UBE4B: variants seen among roughly 807,000 people sequenced by gnomAD.
The protein encoded by UBE4B is ubiquitin conjugation factor E4 B.
UBE4B carries 27 observed loss-of-function variants against 148.1 expected under a neutral mutation model. The observed-to-expected ratio is 0.18, with a 90% CI of 0.13 to 0.25. The LOEUF is 0.25. Ranked by LOEUF, UBE4B falls within the 10% of genes least tolerant of loss-of-function variation. UBE4B has a pLI of 1.00. For missense variants in UBE4B, 1,170 were observed against 1,662.4 expected (o/e 0.70, Z 5.15); for synonymous variants, 596 against 619.3 (o/e 0.96, Z 0.56).
intron 1 of UBE4B, among the ~76,000 whole-genome samples, chr1:10,038,805 T>C (rs183256100): frequency 6.6e-6 from 1 of 152,184 alleles, no homozygotes; most frequent in Non-Finnish European, 1.5e-5. Context: ...GTTAAAAATT[T>C]GGGAGTTGGG....
intron 3 of UBE4B, 29 bp downstream of exon 3, chr1:10,095,625 T>A: frequency 1.2e-6 from 2 of 1,613,470 alleles, no homozygotes; most frequent in South Asian, 1.1e-5. Flanking sequence ...TCTAATATGC[T>A]CTTTTATTTA....
At chr1:10,130,988 G>GT (rs900531144) in intron 14 of UBE4B, among the ~76,000 whole-genome samples, 175 bp downstream of exon 14, 1 of 152,226 alleles carries the variant, frequency 6.6e-6, no homozygotes, top group African/African-American at 2.4e-5. Context: ...ATAACAGGTT[G>GT]TAACAACAGC....
chr1:10,156,459 C>T (rs2101999843), intron 21 of UBE4B, among the ~76,000 whole-genome samples: 1 of 152,166 alleles, frequency 6.6e-6, no homozygotes, highest in African/African-American at 2.4e-5. Flanking sequence ...AGGCTGGTCT[C>T]AAACTCCTGA....
chr1:10,059,764 G>T (rs74669740), intron 1 of UBE4B: 1 of 152,384 alleles, frequency 6.6e-6, no homozygotes. Context: ...GTAGGCATCC[G>T]AAGTTGTTGA....
intron 5 of UBE4B, among the ~76,000 whole-genome samples, chr1:10,103,478 G>A (rs1440864023): frequency 9.3e-5 from 14 of 150,828 alleles, no homozygotes; most frequent in Admixed American, 9.3e-4. Context: ...CTATCACCAG[G>A]CTGGAGTGCA....
At chr1:10,158,294 A>G (rs1646106195) in intron 21 of UBE4B, 62 bp from the exon 22 acceptor site, 2 of 1,581,394 alleles carry the variant, frequency 1.3e-6, no homozygotes, top group Non-Finnish European at 1.7e-6. Flanking sequence ...TGTTGGGGCA[A>G]TAACTGGATT....
intron 14 of UBE4B, among the ~76,000 whole-genome samples, chr1:10,131,454 C>G (rs1285195898): frequency 1.3e-5 from 2 of 152,134 alleles, no homozygotes; most frequent in African/African-American, 4.8e-5. Context: ...CACTGCACAT[C>G]AGCCTGGGCG....
At chr1:10,175,653 A>C (rs554233744) in intron 25 of UBE4B, among the ~76,000 whole-genome samples, 2 of 136,188 alleles carry the variant, frequency 1.5e-5, no homozygotes, top group East Asian at 2.0e-4. Flanking sequence ...TCCGTCTCAA[A>C]TAAATAAATA....
At chr1:10,059,752 C>T (rs1644250106) in intron 1 of UBE4B, 1 of 152,458 alleles carries the variant, frequency 6.6e-6, no homozygotes, top group Admixed American at 6.5e-5. Context: ...GTGACCACAG[C>T]TGTAGGCATC....
At chr1:10,096,848 G>T (rs184059384) in intron 3 of UBE4B, among the ~76,000 whole-genome samples, 5 of 152,158 alleles carry the variant, frequency 3.3e-5, no homozygotes, top group African/African-American at 1.2e-4. Context: ...AGACCAACCT[G>T]TCCAACATCG....
intron 25 of UBE4B, among the ~76,000 whole-genome samples, chr1:10,176,844 G>A (rs190056567): frequency 2.2e-4 from 31 of 143,014 alleles, no homozygotes; most frequent in Non-Finnish European, 2.4e-4. Flanking sequence ...GGAGTGCAGT[G>A]GTGCGATCTC....
In UBE4B at chr1:10,057,561, T is replaced by G. The variant is rs1336313965; in HGVS notation, c.25-14467T>G. ...CCTCCTGAGTAGGCACACACCACCA[T>G]GCCAGGCTAATTTTTTGATTTTTTT... is the stretch of plus-strand genomic sequence containing the variant. On this transcript the variant is annotated intron_variant, in intron 1 of 27. Coordinates refer to ENST00000343090, the MANE Select transcript of UBE4B (RefSeq NM_001105562.3). 2.7e-5 allele frequency among the ~76,000 whole-genome samples: 4 copies of G among 150,932 alleles called. No homozygotes were observed. In the South Asian group the frequency reaches 6.3e-4, roughly 24 times the overall value.
At chr1:10,054,597 C>A (rs983708560) in intron 1 of UBE4B, 9 of 257,336 alleles carry the variant, frequency 3.5e-5, no homozygotes, top group Admixed American at 2.8e-4. Flanking sequence ...GCCTTTAGAG[C>A]GCTTAATGTG....
intron 2 of UBE4B, among the ~76,000 whole-genome samples, chr1:10,078,044 C>T (rs548729192): frequency 4.9e-4 from 75 of 151,872 alleles, no homozygotes; most frequent in African/African-American, 1.7e-3. Flanking sequence ...GAGTCTCTCT[C>T]TGTCACCCAA....
chr1:10,072,357 A>G (rs759518087), intron 2 of UBE4B, 143 bp downstream of exon 2: 22 of 970,226 alleles, frequency 2.3e-5, no homozygotes, highest in African/African-American at 8.4e-5. Flanking sequence ...TTTAAATATC[A>G]TTGCAATGTG....
At chr1:10,132,890 C>T (rs1036792643) in intron 15 of UBE4B, among the ~76,000 whole-genome samples, 1 of 152,140 alleles carries the variant, frequency 6.6e-6, no homozygotes, top group African/African-American at 2.4e-5. Context: ...AAGCCCAGCA[C>T]GCAGGCTTTT....
chr1:10,103,276 C>T (rs900466540), intron 5 of UBE4B, 184 bp downstream of exon 5: 13 of 482,474 alleles, frequency 2.7e-5, no homozygotes, highest in South Asian at 2.0e-4. Context: ...CTGATCTTAT[C>T]GATAACTTAT....
At chr1:10,178,124 G>A (rs1223119992) in intron 25 of UBE4B, among the ~76,000 whole-genome samples, 4 of 152,082 alleles carry the variant, frequency 2.6e-5, no homozygotes, top group African/African-American at 9.7e-5. Flanking sequence ...AACTAAATGA[G>A]CTTGAAGAAG....
chr1:10,072,123 T>C lies in UBE4B; in HGVS notation c.120T>C (p.Pro40=), dbSNP rs781108056. 4 of 1,613,580 alleles carry C rather than the reference T, an allele frequency of 2.5e-6. No individual in the cohort carries two copies. In the East Asian group the frequency reaches 8.9e-5, roughly 36 times the overall value. The change falls in exon 2 of 28, where the codon CCT becomes CCC. Residue 40 remains proline, a synonymous_variant. Transcript: ENST00000343090. ...CCCAGAGGGAGAACCCTCCGGGGCC[T>C]CCCATAGCGGCATCAGCCCCAGGAC... The part of the protein sequence containing the change: ...TSPQRENPPG[P]PIAASAPGPS...
Sources: allele counts gnomAD v4.1 joint callset (sites outside exome capture counted in the v4.1 genomes callset), GRCh38; gene constraint gnomAD v4.1.1; transcripts MANE v1.5; gene names NCBI Gene and HGNC (gene_info 2026-07-23, HGNC 2026-07-21).